The following ARID4A variants were observed in gnomAD, a reference collection of about 807,000 sequenced individuals.
ARID4A encodes the protein AT-rich interactive domain-containing protein 4A.
A neutral mutation model predicts 148.6 loss-of-function variants in ARID4A; 39 were observed. The observed-to-expected ratio is 0.26, with a 90% CI of 0.20 to 0.34. The LOEUF (loss-of-function observed/expected upper bound fraction) is 0.34, where lower values mean the gene tolerates loss of function less well. Among genes scored for constraint, ARID4A ranks in the 10% least tolerant of loss-of-function variants. The probability of loss-of-function intolerance (pLI) is 1.00; values close to 1 mark genes in which losing one functional copy is unlikely to be tolerated. For missense variants in ARID4A, 1,265 were observed against 1,449.1 expected (o/e 0.87, Z 2.06); for synonymous variants, 475 against 481.2 (o/e 0.99, Z 0.17).
rs2034023590 is a variant in ARID4A at position 58,339,873 on chromosome 14, A to AGC, written c.907-4821_907-4820dup. On this transcript the variant is annotated intron_variant, in intron 11 of 23. Coordinates refer to ENST00000355431, the MANE Select transcript of ARID4A (RefSeq NM_002892.4). ...GAGAGAGAGAGAGAGAGAGAGAGAG[A>AGC]GCATGAGCACGCAAAGGGGGAAGTG... Among the ~76,000 whole-genome samples, 4 of 134,826 alleles carry AGC rather than the reference A, an allele frequency of 3.0e-5. No homozygotes were observed. In the South Asian group the frequency reaches 7.3e-4, roughly 25 times the overall value. The allele number at this position is 134,826 out of a possible 152,430, so 88.5% of individuals were successfully genotyped here.
At chr14:58,369,596 CAG>C (rs1157916735) in intron 23 of ARID4A, among the ~76,000 whole-genome samples, 1 of 109,302 alleles carries the variant, frequency 9.1e-6, no homozygotes, top group African/African-American at 3.5e-5. Context: ...GCCTGGGTGA[CAG>C]AGTGAGAGTC....
intron 11 of ARID4A, among the ~76,000 whole-genome samples, chr14:58,344,492 A>G (rs1255076735): frequency 6.6e-6 from 1 of 152,052 alleles, no homozygotes; most frequent in East Asian, 1.9e-4. Flanking sequence ...AAGTAGAGTT[A>G]GAGTGGTAAA....
intron 23 of ARID4A, among the ~76,000 whole-genome samples, chr14:58,369,570 G>A (rs965972421): frequency 1.4e-5 from 2 of 146,938 alleles, no homozygotes; most frequent in Non-Finnish European, 3.0e-5. Flanking sequence ...CACCGAGATC[G>A]CGCCAGTGCA....
chr14:58,352,718 G>GC (rs2034693712), intron 16 of ARID4A, among the ~76,000 whole-genome samples: 1 of 152,038 alleles, frequency 6.6e-6, no homozygotes, highest in South Asian at 2.1e-4. Context: ...CCAAAATAAT[G>GC]CCCTATATTT....
chr14:58,299,622 G>A (rs2030948541), intron 1 of ARID4A, 176 bp from the exon 2 acceptor site: 1 of 597,924 alleles, frequency 1.7e-6, no homozygotes, highest in South Asian at 2.0e-5. Flanking sequence ...TTTGGCGCTC[G>A]TGGGGTTCTC....
At chr14:58,345,379 T>C (rs2034309528) in intron 12 of ARID4A, among the ~76,000 whole-genome samples, 1 of 152,232 alleles carries the variant, frequency 6.6e-6, no homozygotes. Flanking sequence ...TTAATCTGCA[T>C]ACCCACTAAT....
intron 5 of ARID4A, among the ~76,000 whole-genome samples, chr14:58,314,782 A>AT (rs2032293369): frequency 6.6e-6 from 1 of 152,080 alleles, no homozygotes; most frequent in Non-Finnish European, 1.5e-5. Flanking sequence ...AAAATTACAA[A>AT]TTTATAAAGT....
intron 11 of ARID4A, among the ~76,000 whole-genome samples, chr14:58,333,389 A>G (rs1006925962): frequency 2.0e-5 from 3 of 152,128 alleles, no homozygotes; most frequent in African/African-American, 7.2e-5. Context: ...TTGGATAAAT[A>G]TAGGAGAGTT....
At chr14:58,343,956 T>C (rs2034234868) in intron 11 of ARID4A, among the ~76,000 whole-genome samples, 1 of 152,214 alleles carries the variant, frequency 6.6e-6, no homozygotes, top group Non-Finnish European at 1.5e-5. Context: ...TGCTAAACTT[T>C]AAGAATTTTA....
intron 18 of ARID4A, among the ~76,000 whole-genome samples, chr14:58,360,019 T>C (rs1252885443): frequency 6.7e-6 from 1 of 149,500 alleles, no homozygotes; most frequent in Non-Finnish European, 1.5e-5. Flanking sequence ...TGAGCCAAGA[T>C]CGCGCCACTG....
intron 3 of ARID4A, among the ~76,000 whole-genome samples, chr14:58,302,006 GACAATACAAATACA>G (rs1470638249): frequency 6.6e-6 from 1 of 152,074 alleles, no homozygotes; most frequent in African/African-American, 2.4e-5. Flanking sequence ...TAGTGTTTAG[GACAATACAAATACA>G]ACAGGAATTA....
At chr14:58,347,166 T>G in intron 14 of ARID4A, 49 bp downstream of exon 14, 1 of 1,068,610 alleles carries the variant, frequency 9.4e-7, no homozygotes, top group Non-Finnish European at 1.3e-6. Context: ...ATAGGAAATA[T>G]TTTCCATTTA....
chr14:58,309,960 G>A (rs1169315653), intron 5 of ARID4A, among the ~76,000 whole-genome samples: 1 of 152,104 alleles, frequency 6.6e-6, no homozygotes, highest in Non-Finnish European at 1.5e-5. Context: ...TTTTAATGTA[G>A]TCAGACTCGC....
rs1205258672 is a variant in ARID4A at position 58,347,842 on chromosome 14, A to C, written c.1368A>C (p.Glu456Asp). The change falls in exon 15 of 24, where the codon GAA becomes GAC. Residue 456 changes from glutamate (E) to aspartate (D), a missense_variant. By Grantham distance (45) the Glu-to-Asp change is conservative. Coordinates refer to ENST00000355431, the MANE Select transcript of ARID4A (RefSeq NM_002892.4). ...EPEENIDSNS[E>D]SEREEIELKS... ...AGGAAAATATCGATTCAAACAGTGA[A>C]AGTGAAAGAGAAGAGATAGAATTAA... The C allele has an allele frequency of 1.9e-6, 3 of 1,613,162 alleles. No homozygotes were observed. Among genetic ancestry groups the C allele is most frequent in the Non-Finnish European group, 1.7e-6 (2 of 1,179,590 alleles).
At chr14:58,336,424 G>A (rs2140207331) in intron 11 of ARID4A, among the ~76,000 whole-genome samples, 1 of 152,242 alleles carries the variant, frequency 6.6e-6, no homozygotes, top group Middle Eastern at 3.4e-3. Flanking sequence ...TTTGACCTAT[G>A]GCTCACCTGA....
In ARID4A at chr14:58,365,572, G is replaced by C. The variant is rs369990611; in HGVS notation, c.3266G>C (p.Arg1089Pro). 2 of 1,601,580 alleles carry C rather than the reference G, an allele frequency of 1.2e-6. No homozygotes were observed. The highest frequency in any genetic ancestry group is 1.7e-6 in the Non-Finnish European group (2 of 1,174,998). Reference sequence around the variant, plus strand: ...GGATTAATGGCAAAAAAGCAAAAGCGTACCCCAAAGCGAACAAGTGCTGCA... The same window carrying C: ...GGATTAATGGCAAAAAAGCAAAAGCCTACCCCAAAGCGAACAAGTGCTGCA... ...NSGLMAKKQK[R>P]TPKRTSAAAK... The change falls in exon 21 of 24, where the codon CGT becomes CCT. Residue 1089 changes from arginine to proline, a missense_variant. This residue lies in a region of ARID4A where 666 missense variants were observed against 730.9 expected (regional missense o/e 0.91). Coordinates refer to ENST00000355431, the MANE Select transcript of ARID4A (RefSeq NM_002892.4).
rs2140274361 is a variant in ARID4A at position 58,366,794 on chromosome 14, A to G, written c.3524-89A>G. 2.9e-6 allele frequency: 3 copies of G among 1,036,158 alleles called. No homozygotes were observed. The East Asian group carries it at 8.6e-5, about 30-fold the overall frequency. 64.2% of individuals were successfully genotyped at this position (1,036,158 alleles called of 1,614,324 possible). On this transcript the variant is annotated intron_variant, in intron 22 of 23. Coordinates refer to ENST00000355431, the MANE Select transcript of ARID4A (RefSeq NM_002892.4). ...TTTTAATAAACTAAAGCTTTTGTTG[A>G]TTTATGAGTTAGACGTTTGATAGAA...
chr14:58,308,287 A>C (rs977587538), intron 5 of ARID4A, among the ~76,000 whole-genome samples: 6 of 152,258 alleles, frequency 3.9e-5, no homozygotes, highest in African/African-American at 1.4e-4. Flanking sequence ...ATTAGTGGAC[A>C]TAAGAATCAC....
chr14:58,328,489 T>A (rs1394609645), intron 9 of ARID4A, among the ~76,000 whole-genome samples, 173 bp downstream of exon 9: 2 of 152,182 alleles, frequency 1.3e-5, no homozygotes, highest in African/African-American at 4.8e-5. Context: ...TTTTCACTAA[T>A]AAATTTTATA....
Sources: gnomAD v4.1 joint callset for allele counts (sites outside exome capture counted in the v4.1 genomes callset) on GRCh38, gnomAD v4.1.1 for gene constraint, gnomAD v4.1.1 regional missense constraint, MANE v1.5 for transcripts, NCBI Gene and HGNC (gene_info 2026-07-23, HGNC 2026-07-21) for gene names.